The following FRMD4A variants were observed in gnomAD, a reference collection of about 807,000 sequenced individuals.
FRMD4A encodes FERM domain-containing protein 4A.
A neutral mutation model predicts 129.1 loss-of-function variants in FRMD4A; 29 were observed. The observed-to-expected ratio is 0.22, with a 90% confidence interval of 0.17 to 0.31. The LOEUF (loss-of-function observed/expected upper bound fraction) is 0.31, where lower values mean the gene tolerates loss of function less well. Ranked by LOEUF, FRMD4A falls within the 10% of genes least tolerant of loss-of-function variation. FRMD4A has a pLI of 1.00. For synonymous variants in FRMD4A, 634 were observed against 571.6 expected (o/e 1.11, Z -1.56); for missense variants, 1,272 against 1,375.8 (o/e 0.92, Z 1.19).
intron 2 of FRMD4A, among the ~76,000 whole-genome samples, chr10:14,007,857 C>T (rs1415312334): frequency 1.3e-5 from 2 of 152,152 alleles, no homozygotes; most frequent in Admixed American, 6.5e-5. Flanking sequence ...CTGAGATCCA[C>T]AAGTTACAAA....
chr10:13,730,369 G>A (rs900330692), intron 12 of FRMD4A, among the ~76,000 whole-genome samples: 1 of 152,188 alleles, frequency 6.6e-6, no homozygotes, highest in Non-Finnish European at 1.5e-5. Context: ...GGAAGAAAGA[G>A]GTAAAACTCT....
chr10:14,151,487 G>A (rs1345652863), intron 2 of FRMD4A, among the ~76,000 whole-genome samples: 1 of 152,104 alleles, frequency 6.6e-6, no homozygotes, highest in Non-Finnish European at 1.5e-5. Flanking sequence ...AGATTCTAGT[G>A]ATTCCTAAGG....
chr10:14,233,828 TAA>T (rs1195726090), intron 2 of FRMD4A, among the ~76,000 whole-genome samples: 1 of 152,248 alleles, frequency 6.6e-6, no homozygotes, highest in Non-Finnish European at 1.5e-5. Context: ...TTTCAAGAGC[TAA>T]AGTCAGAATC....
At chr10:13,660,588 G>A (rs182247694) in intron 19 of FRMD4A, 35 bp from the exon 20 acceptor site, 113 of 1,346,812 alleles carry the variant, frequency 8.4e-5, no homozygotes, top group African/African-American at 4.6e-4. Flanking sequence ...ACTGAGCCCC[G>A]GTCATCCTTC....
chr10:13,677,459 G>A (rs1404755768), intron 15 of FRMD4A, among the ~76,000 whole-genome samples: 1 of 152,146 alleles, frequency 6.6e-6, no homozygotes, highest in Non-Finnish European at 1.5e-5. Flanking sequence ...TATTTTCGTA[G>A]CTGTTTCCTG....
At chr10:13,902,697 G>A (rs949741073) in intron 2 of FRMD4A, among the ~76,000 whole-genome samples, 1 of 151,944 alleles carries the variant, frequency 6.6e-6, no homozygotes, top group Non-Finnish European at 1.5e-5. Flanking sequence ...AAAAATAGCT[G>A]GGTGTGGTGG....
rs143398486 is a variant in FRMD4A, at chr10:13,690,118, A to G, written c.1117+3780T>C. On this transcript the variant is annotated intron_variant, in intron 15 of 24. Transcript: ENST00000357447. ...TTATACATATCACCTTTTCTGAATG[A>G]ACATCAGAAAATAAAATCCGGCAAG... Among the ~76,000 whole-genome samples, 490 of 152,308 alleles carry G rather than the reference A, an allele frequency of 3.2e-3. 3 individuals are homozygous for G. Among genetic ancestry groups the G allele is most frequent in the African/African-American group, 0.011 (438 of 41,558 alleles).
chr10:14,107,178 A>T (rs536800055), intron 2 of FRMD4A, among the ~76,000 whole-genome samples: 26 of 152,330 alleles, frequency 1.7e-4, no homozygotes, highest in African/African-American at 6.3e-4. Context: ...AGATGGGAGC[A>T]ATAGATACTG....
At chr10:14,256,347 A>T (rs1844614105) in intron 2 of FRMD4A, among the ~76,000 whole-genome samples, 1 of 152,170 alleles carries the variant, frequency 6.6e-6, no homozygotes. Flanking sequence ...TCAAAAAGTG[A>T]CAGTTCTCCC....
chr10:14,042,946 A>G (rs1374596769), intron 2 of FRMD4A, among the ~76,000 whole-genome samples: 2 of 151,404 alleles, frequency 1.3e-5, no homozygotes, highest in African/African-American at 2.4e-5. Flanking sequence ...AAAAAAAAAA[A>G]AAAGAAATTC....
In FRMD4A at chr10:13,663,533, C is replaced by T. The variant is rs755120425; in HGVS notation, c.1604-24G>A. On this transcript the variant is annotated intron_variant, in intron 18 of 24. Coordinates refer to ENST00000357447, the MANE Select transcript of FRMD4A (RefSeq NM_018027.5). ...ATCTGAGAAGACAAAAAGCAATAGCCTATGAGTTCAGCACATTCCTTCAGC... is the reference window on the plus strand; with the variant it reads ...ATCTGAGAAGACAAAAAGCAATAGCTTATGAGTTCAGCACATTCCTTCAGC... 19 of 1,283,786 alleles carry T rather than the reference C, an allele frequency of 1.5e-5. No homozygotes were observed. The South Asian group carries it at 1.8e-4, about 12-fold the overall frequency. The allele number at this position is 1,283,786 out of a possible 1,614,324, so 79.5% of individuals were successfully genotyped here. A position where few individuals can be genotyped will look rare whatever the true frequency, so the allele number is the denominator to read the frequency against.
intron 2 of FRMD4A, among the ~76,000 whole-genome samples, chr10:14,318,012 A>G (rs1381917848): frequency 1.3e-5 from 2 of 152,184 alleles, no homozygotes; most frequent in East Asian, 3.8e-4. Flanking sequence ...TGTGTATTAA[A>G]GAGGCTACCT....
intron 2 of FRMD4A, among the ~76,000 whole-genome samples, chr10:13,959,517 T>TTA (rs1282143845): frequency 6.8e-6 from 1 of 146,998 alleles, no homozygotes; most frequent in East Asian, 2.0e-4. Flanking sequence ...GTGATTTTTT[T>TTA]TTTTAGATTT....
chr10:14,281,514 A>G (rs1379018963), intron 2 of FRMD4A, among the ~76,000 whole-genome samples: 1 of 152,238 alleles, frequency 6.6e-6, no homozygotes, highest in Non-Finnish European at 1.5e-5. Flanking sequence ...CTATTGTTTA[A>G]GCCTGCCAGT....
intron 2 of FRMD4A, among the ~76,000 whole-genome samples, chr10:14,276,060 G>A (rs770851530): frequency 3.3e-5 from 5 of 152,098 alleles, no homozygotes; most frequent in Non-Finnish European, 5.9e-5. Context: ...CAAACAAAAT[G>A]ACAGAATGAA....
chr10:13,965,777 A>C (rs968260095), intron 2 of FRMD4A, among the ~76,000 whole-genome samples: 12 of 152,218 alleles, frequency 7.9e-5, no homozygotes, highest in Non-Finnish European at 1.5e-4. Context: ...TACCATGCGA[A>C]AGACAGACTT....
At chr10:14,323,389 A>G (rs1006177009) in intron 2 of FRMD4A, among the ~76,000 whole-genome samples, 3 of 152,186 alleles carry the variant, frequency 2.0e-5, no homozygotes, top group Non-Finnish European at 4.4e-5. Flanking sequence ...TTATTATCTT[A>G]TTTTACAGAC....
At chr10:13,986,906 G>A (rs372294853) in intron 2 of FRMD4A, among the ~76,000 whole-genome samples, 16 of 151,896 alleles carry the variant, frequency 1.1e-4, no homozygotes, top group African/African-American at 3.6e-4. Context: ...TAAGGGTTTC[G>A]GTCAGTGGTT....
chr10:13,744,636 A>T (rs2091199116), intron 9 of FRMD4A: 1 of 152,238 alleles, frequency 6.6e-6, no homozygotes, highest in Non-Finnish European at 1.5e-5. Flanking sequence ...TGCAGCCTGC[A>T]GGTTGCCCAT....
Sources: gnomAD v4.1 joint callset for allele counts (sites outside exome capture counted in the v4.1 genomes callset) on GRCh38, gnomAD v4.1.1 for gene constraint, MANE v1.5 for transcripts, NCBI Gene and HGNC (gene_info 2026-07-23, HGNC 2026-07-21) for gene names.